The following PCDH15 variants were observed in gnomAD, a reference collection of about 807,000 sequenced individuals.
The protein encoded by PCDH15 is protocadherin related 15.
A neutral mutation model predicts 178.5 loss-of-function variants in PCDH15; 129 were observed. That is an observed-to-expected ratio of 0.72 (90% CI 0.63 to 0.84). The LOEUF is 0.84. PCDH15 is among the 40% of genes least tolerant of loss of function. PCDH15 has a pLI of 0.00. For synonymous variants in PCDH15, 800 were observed against 732.0 expected (o/e 1.09, Z -1.50); for missense variants, 2,230 against 2,099.9 (o/e 1.06, Z -1.21).
At chr10:55,313,331 C>G (rs1467973387) in intron 1 of PCDH15, among the ~76,000 whole-genome samples, 1 of 152,112 alleles carries the variant, frequency 6.6e-6, no homozygotes, top group African/African-American at 2.4e-5. Context: ...ATTTGAAGGG[C>G]TTGAGAAATG....
intron 1 of PCDH15, among the ~76,000 whole-genome samples, chr10:54,742,687 T>C (rs1944963377): frequency 6.6e-6 from 1 of 151,960 alleles, no homozygotes; most frequent in African/African-American, 2.4e-5. Context: ...ACATGTTCTT[T>C]CTTCAAAAGC....
At chr10:55,434,077 C>CTTTTTTTTTTTTGTTTTTTTTT (rs1838962700) in intron 2 of PCDH15, among the ~76,000 whole-genome samples, 1 of 90,826 alleles carries the variant, frequency 1.1e-5, no homozygotes, top group African/African-American at 4.5e-5. Context: ...CTTTTCTTTT[C>CTTTTTTTTTTTTGTTTTTTTTT]TTTTTTTTTT....
At chr10:54,022,392 C>A (rs2092951285) in intron 19 of PCDH15, among the ~76,000 whole-genome samples, 1 of 151,704 alleles carries the variant, frequency 6.6e-6, no homozygotes, top group South Asian at 2.1e-4. Flanking sequence ...AGAGGGGAAA[C>A]CAATTTGTAA....
chr10:55,056,610 TTTA>T (rs60186759), intron 2 of PCDH15, among the ~76,000 whole-genome samples: 15,055 of 142,874 alleles, frequency 0.11, 928 homozygotes, highest in East Asian at 0.31. Flanking sequence ...TTTATTTTGT[TTTA>T]TTATTATTAT....
Position 54,948,122 on chromosome 10 carries a change from C to T in PCDH15, c.-79-50622G>A, listed in dbSNP as rs1307160856. Among the ~76,000 whole-genome samples the T allele has an allele frequency of 3.0e-4, 46 of 151,872 alleles. 1 individual carries two copies. Among genetic ancestry groups the T allele is most frequent in the Non-Finnish European group, 5.2e-4 (35 of 67,902 alleles). ...TTATTCTTCATAGACTATTTGTATACATCGATATTTCTGCAACCAGGATGT... is the reference window on the plus strand; with the variant it reads ...TTATTCTTCATAGACTATTTGTATATATCGATATTTCTGCAACCAGGATGT... On this transcript the variant is annotated intron_variant, in intron 2 of 5. Coordinates refer to the PCDH15 transcript ENST00000458638.
At chr10:54,594,546 A>G (rs1189639701) in intron 2 of PCDH15, among the ~76,000 whole-genome samples, 1 of 152,128 alleles carries the variant, frequency 6.6e-6, no homozygotes, top group Non-Finnish European at 1.5e-5. Flanking sequence ...AGAGTGCTCC[A>G]GAAGAGCAAA....
intron 1 of PCDH15, among the ~76,000 whole-genome samples, chr10:55,246,614 G>T (rs1031638691): frequency 6.6e-6 from 1 of 151,912 alleles, no homozygotes; most frequent in African/African-American, 2.4e-5. Context: ...TGTAAGAAAA[G>T]AAAATAGCAT....
intron 3 of PCDH15, among the ~76,000 whole-genome samples, chr10:54,861,406 A>G (rs1953839988): frequency 6.6e-6 from 1 of 152,170 alleles, no homozygotes; most frequent in South Asian, 2.1e-4. Context: ...CAACCTCCCA[A>G]GTTTGAACCG....
At chr10:54,683,379 CTA>C (rs1591032448) in intron 1 of PCDH15, among the ~76,000 whole-genome samples, 1 of 151,980 alleles carries the variant, frequency 6.6e-6, no homozygotes, top group African/African-American at 2.4e-5. Context: ...AACCATTATT[CTA>C]TGTTATTTCT....
chr10:54,594,476 C>T (rs150783802), intron 2 of PCDH15, among the ~76,000 whole-genome samples: 1 of 152,114 alleles, frequency 6.6e-6, no homozygotes, highest in Non-Finnish European at 1.5e-5. Flanking sequence ...TGTACCCCCC[C>T]AGGCACCTCA....
rs761365987 is a variant in PCDH15 at position 53,804,081 on chromosome 10, T to C, written c.*2498A>G. On this transcript the variant is annotated 3_prime_UTR_variant, in exon 38 of 38. Coordinates refer to ENST00000644397, the MANE Select transcript of PCDH15 (RefSeq NM_001384140.1). The stretch of plus-strand genomic sequence containing the variant: ...ACTATTTAATTGATCCAGATTTATT[T>C]AGTTAGTAATAATTTTGCTGCTCTA... 1 of 151,952 alleles carries C rather than the reference T, an allele frequency of 6.6e-6. No individual in the cohort carries two copies. Among genetic ancestry groups the C allele is most frequent in the Non-Finnish European group, 1.5e-5 (1 of 67,872 alleles). The allele number at this position is 151,952 out of a possible 1,614,324, so 9.4% of individuals were successfully genotyped here.
At chr10:54,191,825 G>T (rs568783662) in intron 11 of PCDH15, among the ~76,000 whole-genome samples, 1 of 151,524 alleles carries the variant, frequency 6.6e-6, no homozygotes, top group African/African-American at 2.4e-5. Context: ...GGAGGCTGTT[G>T]TGGGAGAATC....
At chr10:54,521,098 A>G (rs1277816508) in intron 3 of PCDH15, among the ~76,000 whole-genome samples, 2 of 150,490 alleles carry the variant, frequency 1.3e-5, no homozygotes, top group East Asian at 4.0e-4. Context: ...GTATTAGGAG[A>G]TATACCTAAT....
At chr10:54,004,743 C>T (rs2092320623) in intron 20 of PCDH15, among the ~76,000 whole-genome samples, 1 of 151,790 alleles carries the variant, frequency 6.6e-6, no homozygotes, top group Non-Finnish European at 1.5e-5. Flanking sequence ...AAGCGTTCTA[C>T]AGATTCAATG....
intron 2 of PCDH15, among the ~76,000 whole-genome samples, chr10:54,954,532 C>G (rs948049422): frequency 2.6e-5 from 4 of 151,064 alleles, no homozygotes; most frequent in African/African-American, 9.7e-5. Context: ...CCTTGTCTTT[C>G]TCTATTTTCA....
intron 2 of PCDH15, among the ~76,000 whole-genome samples, chr10:55,405,076 T>A (rs925195264): frequency 6.6e-6 from 1 of 151,402 alleles, no homozygotes; most frequent in African/African-American, 2.4e-5. Context: ...AAAAAGATTA[T>A]ATTGCCACAC....
At chr10:55,259,793 T>C (rs1842100568) in intron 1 of PCDH15, among the ~76,000 whole-genome samples, 1 of 150,412 alleles carries the variant, frequency 6.6e-6, no homozygotes, top group Admixed American at 6.6e-5. Context: ...TCCCAGCTAC[T>C]CAGGAGGCTG....
At chr10:54,813,858 C>G (rs185130126) in intron 3 of PCDH15, among the ~76,000 whole-genome samples, 2 of 152,248 alleles carry the variant, frequency 1.3e-5, no homozygotes, top group Admixed American at 6.5e-5. Context: ...ATTTCAATAT[C>G]TAGTTTTATC....
intron 1 of PCDH15, among the ~76,000 whole-genome samples, chr10:55,252,776 G>A (rs1841873041): frequency 6.6e-6 from 1 of 151,898 alleles, no homozygotes; most frequent in Admixed American, 6.6e-5. Flanking sequence ...CAATAAAGGA[G>A]ACTAATTTAA....
Sources: allele counts gnomAD v4.1 joint callset (sites outside exome capture counted in the v4.1 genomes callset), GRCh38; gene constraint gnomAD v4.1.1; transcripts MANE v1.5; gene names NCBI Gene and HGNC (gene_info 2026-07-23, HGNC 2026-07-21).